Variants in COL8A1 observed in about 807,000 individuals in gnomAD.
COL8A1 encodes collagen type VIII alpha 1 chain, also known as collagen alpha-1(VIII) chain.
A neutral mutation model predicts 42.7 loss-of-function variants in COL8A1; 21 were observed. The observed-to-expected ratio is 0.49, with a 90% CI of 0.35 to 0.71. The LOEUF (loss-of-function observed/expected upper bound fraction) is 0.71, where lower values mean the gene tolerates loss of function less well. Ranked by LOEUF, COL8A1 falls within the 30% of genes least tolerant of loss-of-function variation. The pLI is 0.01. For missense variants in COL8A1, 788 were observed against 962.4 expected, an observed-to-expected ratio of 0.82 and a Z score of 2.40; for synonymous variants, 367 against 369.1, an observed-to-expected ratio of 0.99 and a Z score of 0.06.
intron 1 of COL8A1, among the ~76,000 whole-genome samples, chr3:99,737,394 C>T: frequency 6.6e-6 from 1 of 151,994 alleles, no homozygotes. Flanking sequence ...TTTAGTGCTT[C>T]CTTCAGGAGC....
intron 1 of COL8A1, among the ~76,000 whole-genome samples, chr3:99,693,082 G>A (rs1939268853): frequency 6.6e-6 from 1 of 152,132 alleles, no homozygotes; most frequent in Non-Finnish European, 1.5e-5. Context: ...CCCAGCTACT[G>A]GAGAGGCTGA....
chr3:99,753,249 T>C (rs1941187835), intron 2 of COL8A1, among the ~76,000 whole-genome samples: 1 of 152,188 alleles, frequency 6.6e-6, no homozygotes, highest in African/African-American at 2.4e-5. Flanking sequence ...GACCACACTT[T>C]AAGAACCACT....
At chr3:99,671,251 T>C (rs1938535471) in intron 1 of COL8A1, among the ~76,000 whole-genome samples, 1 of 152,046 alleles carries the variant, frequency 6.6e-6, no homozygotes, top group African/African-American at 2.4e-5. Context: ...GAGAAGATAA[T>C]TCTTCAGATG....
rs115267510 is a variant in COL8A1 at position 99,654,918 on chromosome 3, T to C, written c.-129+16254T>C. 9.2e-3 allele frequency among the ~76,000 whole-genome samples: 1,398 copies of C among 152,268 alleles called. 13 individuals carry two copies. The highest frequency in any genetic ancestry group is 0.015 in the Non-Finnish European group (1,000 of 68,008). ...AGACTTATCTTCTCAAGTTCTATTATCTCAGTTTTGTTTGGTTAGGACTTC... is the reference window on the plus strand; with the variant it reads ...AGACTTATCTTCTCAAGTTCTATTACCTCAGTTTTGTTTGGTTAGGACTTC... On this transcript the variant is annotated intron_variant, in intron 1 of 3. Transcript: ENST00000652472.
At chr3:99,666,151 T>C (rs1416280032) in intron 1 of COL8A1, among the ~76,000 whole-genome samples, 1 of 152,200 alleles carries the variant, frequency 6.6e-6, no homozygotes, top group Non-Finnish European at 1.5e-5. Flanking sequence ...AACCCCACTC[T>C]GAACCTTCAC....
intron 1 of COL8A1, among the ~76,000 whole-genome samples, chr3:99,650,305 G>T (rs684701): frequency 2.0e-5 from 3 of 152,174 alleles, no homozygotes; most frequent in African/African-American, 7.2e-5. Flanking sequence ...TGTCACCTAT[G>T]CACTGTATTG....
chr3:99,736,115 T>A (rs1427224057), intron 1 of COL8A1, among the ~76,000 whole-genome samples: 1 of 152,206 alleles, frequency 6.6e-6, no homozygotes, highest in African/African-American at 2.4e-5. Flanking sequence ...CCTAGATTCA[T>A]TAATTTTTTG....
At chr3:99,657,872 G>C (rs1172049179) in intron 1 of COL8A1, among the ~76,000 whole-genome samples, 1 of 152,172 alleles carries the variant, frequency 6.6e-6, no homozygotes, top group East Asian at 1.9e-4. Context: ...GCTCACACCT[G>C]TAATCCCAGC....
intron 1 of COL8A1, among the ~76,000 whole-genome samples, chr3:99,717,581 G>C (rs555370964): frequency 1.3e-5 from 2 of 151,992 alleles, no homozygotes; most frequent in African/African-American, 4.8e-5. Context: ...TAAAATGGTC[G>C]AAACTTATTT....
chr3:99,735,993 T>C (rs1406552755), intron 1 of COL8A1, among the ~76,000 whole-genome samples: 2 of 151,904 alleles, frequency 1.3e-5, no homozygotes, highest in African/African-American at 4.8e-5. Context: ...GGATTGGTGG[T>C]GATATCCCCT....
chr3:99,649,398 G>A (rs1176746598), intron 1 of COL8A1, among the ~76,000 whole-genome samples: 1 of 152,086 alleles, frequency 6.6e-6, no homozygotes. Context: ...AAAAATAGAG[G>A]TAGGGGAATA....
chr3:99,668,184 T>C (rs910742256), intron 1 of COL8A1, among the ~76,000 whole-genome samples: 3 of 152,102 alleles, frequency 2.0e-5, no homozygotes, highest in African/African-American at 4.8e-5. Flanking sequence ...TTAAAAACTG[T>C]CTGGCTAAAA....
chr3:99,668,501 A>C (rs184483920), intron 1 of COL8A1, among the ~76,000 whole-genome samples: 1 of 152,186 alleles, frequency 6.6e-6, no homozygotes, highest in Non-Finnish European at 1.5e-5. Context: ...ATAGAAACAT[A>C]TCGAAGATCA....
intron 1 of COL8A1, among the ~76,000 whole-genome samples, chr3:99,651,355 C>T (rs980247665): frequency 2.0e-5 from 3 of 152,200 alleles, no homozygotes; most frequent in African/African-American, 7.2e-5. Flanking sequence ...TTTCTTTCCT[C>T]CTGAAACCTC....
At chr3:99,661,287 C>T (rs771200249) in intron 1 of COL8A1, among the ~76,000 whole-genome samples, 40 of 152,186 alleles carry the variant, frequency 2.6e-4, no homozygotes, top group Admixed American at 1.4e-3. Flanking sequence ...CAATTCAAAA[C>T]GAACAAAAGA....
chr3:99,680,705 G>T (rs1004117829), intron 1 of COL8A1, among the ~76,000 whole-genome samples: 2 of 152,086 alleles, frequency 1.3e-5, no homozygotes, highest in African/African-American at 4.8e-5. Context: ...GTGTGAGATG[G>T]TATCTCATTG....
chr3:99,743,320 A>G (rs1366257747), intron 1 of COL8A1, among the ~76,000 whole-genome samples: 1 of 152,224 alleles, frequency 6.6e-6, no homozygotes, highest in Non-Finnish European at 1.5e-5. Context: ...TTCTCAAATC[A>G]CCTATGGCTA....
chr3:99,735,214 T>C (rs1940666041), intron 1 of COL8A1, among the ~76,000 whole-genome samples: 1 of 142,904 alleles, frequency 7.0e-6, no homozygotes, highest in South Asian at 2.4e-4. Context: ...AGAGAGGGCA[T>C]CCCTGTCTTG....
intron 1 of COL8A1, among the ~76,000 whole-genome samples, chr3:99,731,691 A>T (rs1279245368): frequency 6.6e-6 from 1 of 152,152 alleles, no homozygotes; most frequent in African/African-American, 2.4e-5. Context: ...GTAAGCAAGA[A>T]AACTGACTCA....
Sources: allele counts gnomAD v4.1 joint callset (sites outside exome capture counted in the v4.1 genomes callset), GRCh38; gene constraint gnomAD v4.1.1; transcripts MANE v1.5; gene names NCBI Gene and HGNC (gene_info 2026-07-23, HGNC 2026-07-21).